Variants in TBC1D14 observed in about 807,000 individuals in gnomAD.
The protein encoded by TBC1D14 is TBC1 domain family member 14, also known as TBC1 domain family, member 14.
A neutral mutation model predicts 79.0 loss-of-function variants in TBC1D14; 26 were observed. The ratio of observed to expected loss-of-function variants is 0.33; its 90% CI spans 0.24 to 0.46. The LOEUF (loss-of-function observed/expected upper bound fraction) is 0.46. Among genes scored for constraint, TBC1D14 ranks in the 20% least tolerant of loss-of-function variants. The probability of loss-of-function intolerance (pLI) is 1.00; values close to 1 mark genes in which losing one functional copy is unlikely to be tolerated. For synonymous variants in TBC1D14, 394 were observed against 349.9 expected (o/e 1.13, Z -1.40); for missense variants, 769 against 887.6 (o/e 0.87, Z 1.70).
chr4:6,922,266 C>T (rs1182485900), intron 1 of TBC1D14, among the ~76,000 whole-genome samples: 5 of 152,092 alleles, frequency 3.3e-5, no homozygotes, highest in Admixed American at 2.6e-4. Flanking sequence ...ACGTTGCCCA[C>T]GCCGCACTGA....
Position 7,030,356 on chromosome 4 carries a change from G to C in TBC1D14, c.2046G>C (p.Arg682=), listed in dbSNP as rs542299683. Reference sequence around the variant, plus strand: ...TGACTGCATTGCAGAAAGACAGCCGGGAAATGGAGAAGGGAAGTCCGTCCC... The same window carrying C: ...TGACTGCATTGCAGAAAGACAGCCGCGAAATGGAGAAGGGAAGTCCGTCCC... ...QVLTALQKDS[R]EMEKGSPSLR... The change falls in exon 14 of 14, where the codon CGG becomes CGC. Residue 682 remains arginine (R), a synonymous_variant. Transcript: ENST00000409757. 1 of 1,614,060 alleles carries C rather than the reference G, an allele frequency of 6.2e-7. No homozygotes were observed. The highest frequency in any genetic ancestry group is 2.2e-5 in the East Asian group (1 of 44,878).
At chr4:7,024,861 G>A in intron 12 of TBC1D14, 143 bp from the exon 13 acceptor site, 1 of 1,034,228 alleles carries the variant, frequency 9.7e-7, no homozygotes, top group Non-Finnish European at 1.4e-6. Context: ...ACCCTTCAGT[G>A]TGAGTGCAGG....
chr4:6,970,992 C>G (rs906773303), intron 3 of TBC1D14, among the ~76,000 whole-genome samples: 1 of 145,752 alleles, frequency 6.9e-6, no homozygotes, highest in African/African-American at 2.6e-5. Context: ...CAGGTGTTCA[C>G]ACTGGCCAGG....
chr4:6,931,787 T>A (rs1017003593), intron 2 of TBC1D14, among the ~76,000 whole-genome samples: 2 of 152,110 alleles, frequency 1.3e-5, no homozygotes, highest in African/African-American at 4.8e-5. Context: ...AAAAAAAAAT[T>A]GACTGAGCAC....
intron 12 of TBC1D14, among the ~76,000 whole-genome samples, chr4:7,018,865 A>T (rs1432166452): frequency 2.0e-5 from 3 of 152,258 alleles, no homozygotes; most frequent in Admixed American, 1.3e-4. Context: ...ATTGCCGGCC[A>T]GTGGCAGAAT....
chr4:6,977,895 C>A (rs1716918979), intron 3 of TBC1D14, among the ~76,000 whole-genome samples: 4 of 151,740 alleles, frequency 2.6e-5, no homozygotes, highest in Non-Finnish European at 5.9e-5. Flanking sequence ...GCCCTGCCGC[C>A]CCGTCTGGGA....
intron 5 of TBC1D14, chr4:6,997,460 C>T (rs1390605463): frequency 6.6e-6 from 1 of 152,142 alleles, no homozygotes. Context: ...AACCGTGTCT[C>T]TACTAAAAAT....
At chr4:6,979,693 T>G (rs1037144304) in intron 3 of TBC1D14, among the ~76,000 whole-genome samples, 1 of 152,162 alleles carries the variant, frequency 6.6e-6, no homozygotes. Flanking sequence ...ATAGAATATG[T>G]AGATTAAAAT....
chr4:6,938,791 A>C (rs1477249469), intron 2 of TBC1D14, among the ~76,000 whole-genome samples: 1 of 152,160 alleles, frequency 6.6e-6, no homozygotes, highest in Non-Finnish European at 1.5e-5. Context: ...CGGGGTGAGC[A>C]TGTCTGTCAC....
intron 13 of TBC1D14, among the ~76,000 whole-genome samples, chr4:7,027,855 C>G (rs1722604386): frequency 6.8e-6 from 1 of 146,046 alleles, no homozygotes; most frequent in East Asian, 2.1e-4. Flanking sequence ...CCCACACACA[C>G]ACAGATCACC....
At chr4:7,005,768 G>T (rs951150660) in intron 8 of TBC1D14, among the ~76,000 whole-genome samples, 2 of 152,022 alleles carry the variant, frequency 1.3e-5, no homozygotes, top group Non-Finnish European at 2.9e-5. Flanking sequence ...TGGAGGGCCC[G>T]TCATAACCAG....
intron 12 of TBC1D14, among the ~76,000 whole-genome samples, chr4:7,015,856 C>T (rs1332739111): frequency 6.6e-6 from 1 of 152,214 alleles, no homozygotes; most frequent in East Asian, 1.9e-4. Flanking sequence ...GACCGTGCGG[C>T]ACCACCCGAC....
intron 2 of TBC1D14, among the ~76,000 whole-genome samples, chr4:6,959,783 T>A (rs189797753): frequency 1.3e-5 from 2 of 152,332 alleles, no homozygotes; most frequent in Non-Finnish European, 1.5e-5. Context: ...TTTGGCCTTT[T>A]GCTTGCTGTC....
rs1420738694 is a variant in TBC1D14 at position 7,001,149 on chromosome 4, T to C, written c.1168T>C (p.Cys390Arg). ...EILPNWETMW[C>R]SRKVRDLWWQ... is the part of the protein sequence containing the mutation. ...CCTGCTTCTGTTTTTGTCCAGGTGG[T>C]GCTCTAGAAAAGTTCGAGATTTATG... Residue 390 changes from cysteine to arginine, a missense_variant, in exon 7 of 14, where the codon TGC (cysteine) becomes CGC (arginine). By Grantham distance (180) the Cys-to-Arg change is radical. Transcript: ENST00000409757. 6.2e-7 allele frequency: 1 copy of C among 1,613,840 alleles called. No homozygotes were observed. The highest frequency in any genetic ancestry group is 1.3e-5 in the African/African-American group (1 of 74,914).
At chr4:6,976,693 A>G (rs184178684) in intron 3 of TBC1D14, among the ~76,000 whole-genome samples, 2 of 152,304 alleles carry the variant, frequency 1.3e-5, no homozygotes, top group Admixed American at 1.3e-4. Flanking sequence ...TGCTAGGAGG[A>G]GACTTGGAAC....
rs193212451 is a variant in TBC1D14 at position 6,958,569 on chromosome 4, A to G, written c.723-8735A>G. Among the ~76,000 whole-genome samples, 428 of 152,224 alleles carry G rather than the reference A, an allele frequency of 2.8e-3. 3 individuals carry two copies. The highest frequency in any genetic ancestry group is 9.6e-3 in the African/African-American group (400 of 41,560). On this transcript the variant is annotated intron_variant, in intron 2 of 13. Transcript: ENST00000409757. ...TTCAGCCTCCCAAGTAACTGAGACC[A>G]TAGGTGTGCACTACCACGCCTGGCT...
chr4:6,996,303 A>C, intron 4 of TBC1D14, 22 bp from the exon 5 acceptor site: 1 of 1,601,520 alleles, frequency 6.2e-7, no homozygotes, highest in Non-Finnish European at 8.6e-7. Flanking sequence ...TAATGGTGAA[A>C]ACTCATTTCT....
chr4:6,928,109 T>C (rs1247016603), intron 2 of TBC1D14, among the ~76,000 whole-genome samples: 1 of 152,246 alleles, frequency 6.6e-6, no homozygotes, highest in East Asian at 1.9e-4. Flanking sequence ...CATCGTCTCT[T>C]GTGTAGCCCC....
At chr4:6,924,217 A>G (rs537297387) in intron 2 of TBC1D14, 106 bp downstream of exon 2, 1 of 1,397,496 alleles carries the variant, frequency 7.2e-7, no homozygotes, top group African/African-American at 1.4e-5. Context: ...TTAGGCAGGC[A>G]CTGTCTCACA....
Sources: allele counts gnomAD v4.1 joint callset (sites outside exome capture counted in the v4.1 genomes callset), GRCh38; gene constraint gnomAD v4.1.1; transcripts MANE v1.5; gene names NCBI Gene and HGNC (gene_info 2026-07-23, HGNC 2026-07-21).